Variants in WIF1 observed in about 807,000 individuals in gnomAD.
The protein encoded by WIF1 is Wnt inhibitory factor 1.
Under a neutral mutation model 53.5 loss-of-function variants are expected in WIF1, and 35 were observed. That is an observed-to-expected ratio of 0.65 (90% CI 0.50 to 0.87). The LOEUF is 0.87. Among genes scored for constraint, WIF1 ranks in the 40% least tolerant of loss-of-function variants. The pLI is 0.00. For missense variants in WIF1, 467 were observed against 476.8 expected, an observed-to-expected ratio of 0.98 and a Z score of 0.19; for synonymous variants, 171 against 170.4, an observed-to-expected ratio of 1.00 and a Z score of -0.03.
At chr12:65,105,711 G>A (rs975457325) in intron 2 of WIF1, among the ~76,000 whole-genome samples, 1 of 152,066 alleles carries the variant, frequency 6.6e-6, no homozygotes. Flanking sequence ...GCACTCACCC[G>A]CTACTGTGAG....
At chr12:65,112,750 C>T (rs1883452679) in intron 2 of WIF1, among the ~76,000 whole-genome samples, 1 of 152,144 alleles carries the variant, frequency 6.6e-6, no homozygotes, top group African/African-American at 2.4e-5. Context: ...TTATGATCAC[C>T]CAGAATATAT....
intron 2 of WIF1, among the ~76,000 whole-genome samples, chr12:65,102,012 G>A (rs1487893203): frequency 1.3e-5 from 2 of 152,204 alleles, no homozygotes; most frequent in African/African-American, 4.8e-5. Context: ...TCTACTATGT[G>A]TCAAGAATTT....
In WIF1 at chr12:65,077,498, A is replaced by G. The variant is rs150119041; in HGVS notation, c.397+248T>C. On this transcript the variant is annotated intron_variant, in intron 3 of 9. Coordinates refer to ENST00000286574, the MANE Select transcript of WIF1 (RefSeq NM_007191.5). The stretch of plus-strand genomic sequence containing the variant: ...TTTTTTTTCTTTAAAAAAGTCTGGA[A>G]TCATTTATGAACTTAGTGTGGGCTG... Among the ~76,000 whole-genome samples, 233 of 152,268 alleles carry G rather than the reference A, an allele frequency of 1.5e-3. 6 individuals are homozygous for G. The East Asian group carries it at 0.04, about 26-fold the overall frequency.
intron 2 of WIF1, among the ~76,000 whole-genome samples, chr12:65,095,444 T>G (rs534299446): frequency 6.2e-4 from 95 of 152,296 alleles, no homozygotes; most frequent in African/African-American, 2.2e-3. Flanking sequence ...TTGTACTCAT[T>G]GCATTAAAAT....
At chr12:65,076,787 T>C (rs1333922030) in intron 3 of WIF1, among the ~76,000 whole-genome samples, 1 of 152,024 alleles carries the variant, frequency 6.6e-6, no homozygotes, top group Non-Finnish European at 1.5e-5. Context: ...AGGGAATGTG[T>C]ATACAAATTA....
At chr12:65,071,580 A>C (rs569531535) in intron 3 of WIF1, among the ~76,000 whole-genome samples, 12 of 152,276 alleles carry the variant, frequency 7.9e-5, no homozygotes, top group African/African-American at 2.2e-4. Flanking sequence ...GTTTTTAAAG[A>C]CCTAATATAC....
intron 1 of WIF1, chr12:65,120,774 G>A: frequency 1.3e-6 from 1 of 766,308 alleles, no homozygotes; most frequent in Non-Finnish European, 2.0e-6. Flanking sequence ...GGATGGACAT[G>A]GAGTTAACCG....
intron 7 of WIF1, among the ~76,000 whole-genome samples, chr12:65,060,437 A>C (rs1246085423): frequency 6.6e-6 from 1 of 152,242 alleles, no homozygotes; most frequent in Non-Finnish European, 1.5e-5. Context: ...AGGTAAAAGA[A>C]GCCACACAAG....
rs774356039 is a variant in WIF1, at chr12:65,051,429, C to G, written c.1060G>C (p.Ala354Pro). ...SLIHALRPAG[A>P]QLRQHTPSLK... Reference sequence around the variant, plus strand: ...GAAGGCGTGTGCTGCCTGAGCTGGGCGCCTGCTGGCCTCAGGGCATGTATG... The same window carrying G: ...GAAGGCGTGTGCTGCCTGAGCTGGGGGCCTGCTGGCCTCAGGGCATGTATG... The change falls in exon 10 of 10, where the codon GCC (alanine) becomes CCC (proline). Residue 354 changes from alanine to proline, a missense_variant. Coordinates refer to ENST00000286574, the MANE Select transcript of WIF1 (RefSeq NM_007191.5). 1 of 1,613,376 alleles carries G rather than the reference C, an allele frequency of 6.2e-7. No homozygotes were observed. Among genetic ancestry groups the G allele is most frequent in the African/African-American group, 1.3e-5 (1 of 75,046 alleles).
chr12:65,095,888 A>C (rs1485644900), intron 2 of WIF1: 2 of 152,222 alleles, frequency 1.3e-5, no homozygotes, highest in East Asian at 3.8e-4. Flanking sequence ...TACATACTTA[A>C]ATGTAAAACC....
At chr12:65,073,464 T>C (rs1288077721) in intron 3 of WIF1, among the ~76,000 whole-genome samples, 1 of 152,210 alleles carries the variant, frequency 6.6e-6, no homozygotes, top group African/African-American at 2.4e-5. Context: ...CTGTTTTTTG[T>C]TATACAACTC....
At chr12:65,058,212 G>A (rs1882558593) in intron 7 of WIF1, among the ~76,000 whole-genome samples, 1 of 151,870 alleles carries the variant, frequency 6.6e-6, no homozygotes, top group African/African-American at 2.4e-5. Flanking sequence ...ATAAATACCT[G>A]ACCCCAACAT....
intron 3 of WIF1, among the ~76,000 whole-genome samples, chr12:65,073,963 C>G (rs116131170): frequency 2.2e-4 from 33 of 152,200 alleles, no homozygotes; most frequent in African/African-American, 7.5e-4. Flanking sequence ...GTTCATATCA[C>G]CTGGTTCCCA....
chr12:65,121,077 A>T lies in WIF1; in HGVS notation c.115T>A (p.Trp39Arg). Residue 39 changes from tryptophan (W) to arginine (R), a missense_variant, in exon 1 of 10, where the codon TGG becomes AGG. By Grantham distance (101) the Trp-to-Arg change is moderately radical. Coordinates refer to ENST00000286574, the MANE Select transcript of WIF1 (RefSeq NM_007191.5). ...ACTCTTGCCTGGTGAGCATCGATCCATAGGTACAGGCTCTCCTCCTGCGGC... is the reference window on the plus strand; with the variant it reads ...ACTCTTGCCTGGTGAGCATCGATCCTTAGGTACAGGCTCTCCTCCTGCGGC... ...GPPQEESLYL[W>R]IDAHQARVLI... The T allele has an allele frequency of 6.5e-7, 1 of 1,543,536 alleles. No homozygotes were observed. The highest frequency in any genetic ancestry group is 2.5e-5 in the East Asian group (1 of 40,156).
intron 3 of WIF1, among the ~76,000 whole-genome samples, chr12:65,074,583 C>G (rs771782229): frequency 6.6e-6 from 1 of 151,662 alleles, no homozygotes; most frequent in Non-Finnish European, 1.5e-5. Flanking sequence ...TTTGGGAGGC[C>G]GAGGCAGGCA....
Position 65,121,145 on chromosome 12 carries a change from C to T in WIF1, c.47G>A (p.Ser16Asn). 1 of 1,549,536 alleles carries T rather than the reference C, an allele frequency of 6.5e-7. No homozygotes were observed. Among genetic ancestry groups the T allele is most frequent in the Non-Finnish European group, 8.7e-7 (1 of 1,146,228 alleles). ...AFPAAALWLW[S>N]ILLCLLALRA... ...CAGTGCCAGCAGGCACAGGAGGATG[C>T]TCCAGAGCCAGAGCGCGGCGGCAGG... The change falls in exon 1 of 10, where the codon AGC (serine) becomes AAC (asparagine). Residue 16 changes from serine to asparagine, a missense_variant. Coordinates refer to ENST00000286574, the MANE Select transcript of WIF1 (RefSeq NM_007191.5).
At chr12:65,066,192 A>G (rs1490345451) in intron 6 of WIF1, among the ~76,000 whole-genome samples, 1 of 152,224 alleles carries the variant, frequency 6.6e-6, no homozygotes, top group Non-Finnish European at 1.5e-5. Flanking sequence ...GAAACCAGGT[A>G]GGACCATGAG....
intron 6 of WIF1, among the ~76,000 whole-genome samples, chr12:65,065,194 A>G (rs1460314253): frequency 2.0e-5 from 3 of 152,174 alleles, no homozygotes; most frequent in Admixed American, 6.6e-5. Flanking sequence ...CAATATAGTT[A>G]TAATATATAG....
Position 65,120,473 on chromosome 12 carries a change from G to C in WIF1, c.232C>G (p.Pro78Ala), listed in dbSNP as rs1380833201. ...GAATGGATATTGACAGGAATAGCTG[G>C]CATTCTCTGTTGTGCTTTTCTGAAA... Reference protein sequence around the residue: ...HDFRKAQQRMPAIPVNIHSMN... With the variant: ...HDFRKAQQRMAAIPVNIHSMN... The change falls in exon 2 of 10, where the codon CCA (proline) becomes GCA (alanine). Residue 78 changes from proline to alanine, a missense_variant. Coordinates refer to ENST00000286574, the MANE Select transcript of WIF1 (RefSeq NM_007191.5). 6.2e-7 allele frequency: 1 copy of C among 1,614,018 alleles called. No homozygotes were observed. The highest frequency in any genetic ancestry group is 1.3e-5 in the African/African-American group (1 of 74,906).
Sources: gnomAD v4.1 joint callset for allele counts (sites outside exome capture counted in the v4.1 genomes callset) on GRCh38, gnomAD v4.1.1 for gene constraint, MANE v1.5 for transcripts, NCBI Gene and HGNC (gene_info 2026-07-23, HGNC 2026-07-21) for gene names.